The following TAX1BP1 variants were observed in gnomAD, a reference collection of about 807,000 sequenced individuals.
The protein encoded by TAX1BP1 is Tax1 binding protein 1.
Under a neutral mutation model 97.7 loss-of-function variants are expected in TAX1BP1, and 62 were observed. The observed-to-expected ratio is 0.63, with a 90% CI of 0.52 to 0.78. The LOEUF (loss-of-function observed/expected upper bound fraction) is 0.78. TAX1BP1 is among the 30% of genes least tolerant of loss of function. The probability of loss-of-function intolerance (pLI) is 0.00; values close to 1 mark genes in which losing one functional copy is unlikely to be tolerated. For missense variants in TAX1BP1, 867 were observed against 916.1 expected (o/e 0.95, Z 0.69); for synonymous variants, 340 against 304.2 (o/e 1.12, Z -1.23).
chr7:27,820,539 C>G (rs1176082986), intron 15 of TAX1BP1, among the ~76,000 whole-genome samples: 1 of 152,040 alleles, frequency 6.6e-6, no homozygotes, highest in African/African-American at 2.4e-5. Context: ...AATGTGTTTT[C>G]TGTTCACAAA....
intron 13 of TAX1BP1, chr7:27,803,120 A>G: frequency 6.5e-7 from 1 of 1,547,044 alleles, no homozygotes; most frequent in Non-Finnish European, 8.7e-7. Context: ...TTCAATTGGC[A>G]GAGAAAGACA....
chr7:27,795,198 G>A lies in TAX1BP1; in HGVS notation c.1534+752G>A, dbSNP rs560933001. ...CTATTAAATATTAGGTTTATCCCCT[G>A]TAGGACAGAATTGAGCCTTCTGTTT... On this transcript the variant is annotated intron_variant, in intron 11 of 16. Transcript: ENST00000396319. Among the ~76,000 whole-genome samples the A allele has an allele frequency of 4.6e-5, 7 of 152,310 alleles. 1 individual carries two copies. In the South Asian group the frequency reaches 1.5e-3, roughly 32 times the overall value.
At chr7:27,772,183 T>G (rs952602899) in intron 5 of TAX1BP1, 2 of 151,976 alleles carry the variant, frequency 1.3e-5, no homozygotes, top group Admixed American at 6.6e-5. Flanking sequence ...TGCTTCATAT[T>G]CCAAAATTAG....
At chr7:27,789,542 T>G (rs1789621175) in intron 8 of TAX1BP1, among the ~76,000 whole-genome samples, 1 of 151,994 alleles carries the variant, frequency 6.6e-6, no homozygotes, top group Non-Finnish European at 1.5e-5. Flanking sequence ...ATCCTCTTCG[T>G]TCTTAAAAAA....
At chr7:27,771,058 C>CA (rs1377832758) in intron 5 of TAX1BP1, among the ~76,000 whole-genome samples, 1 of 134,514 alleles carries the variant, frequency 7.4e-6, no homozygotes, top group Non-Finnish European at 1.6e-5. Flanking sequence ...AGTAAAATCT[C>CA]ATAATATGTG....
chr7:27,752,882 CTGGT>C (rs906376544), intron 2 of TAX1BP1, among the ~76,000 whole-genome samples: 13 of 152,174 alleles, frequency 8.5e-5, no homozygotes, highest in Non-Finnish European at 1.6e-4. Flanking sequence ...TAATTATTCT[CTGGT>C]TGTTTGGTTA....
chr7:27,773,873 T>C (rs1044753751), intron 5 of TAX1BP1, among the ~76,000 whole-genome samples: 2 of 152,084 alleles, frequency 1.3e-5, no homozygotes, highest in Non-Finnish European at 2.9e-5. Flanking sequence ...CTCTGTTAAG[T>C]TTTTCAGTTA....
chr7:27,748,128 C>G (rs1238736613), intron 1 of TAX1BP1, among the ~76,000 whole-genome samples: 1 of 152,036 alleles, frequency 6.6e-6, no homozygotes, highest in Non-Finnish European at 1.5e-5. Context: ...TTTAACTGTT[C>G]TTGTTTCTGT....
intron 4 of TAX1BP1, among the ~76,000 whole-genome samples, chr7:27,766,520 T>TA (rs990544375): frequency 2.7e-5 from 4 of 148,942 alleles, no homozygotes; most frequent in African/African-American, 7.4e-5. Flanking sequence ...TTGAAATGCT[T>TA]AAAAAAATCT....
chr7:27,765,731 A>G, intron 3 of TAX1BP1, 103 bp from the exon 4 acceptor site: 1 of 1,005,006 alleles, frequency 1.0e-6, no homozygotes, highest in Non-Finnish European at 1.5e-6. Context: ...GATTCTTGTC[A>G]AGAACAGTGT....
chr7:27,778,523 A>T (rs1428553362), intron 5 of TAX1BP1, among the ~76,000 whole-genome samples: 1 of 152,212 alleles, frequency 6.6e-6, no homozygotes, highest in Admixed American at 6.5e-5. Flanking sequence ...GAAAGCAAGC[A>T]TCCAAAAGCC....
intron 3 of TAX1BP1, among the ~76,000 whole-genome samples, chr7:27,763,767 C>CAAAAAAAAAAAAA (rs575118347): frequency 8.4e-6 from 1 of 118,780 alleles, no homozygotes; most frequent in Non-Finnish European, 1.8e-5. Context: ...GACTCTGTCT[C>CAAAAAAAAAAAAA]AAAAAAAAAA....
intron 5 of TAX1BP1, among the ~76,000 whole-genome samples, chr7:27,779,252 G>A (rs1789153656): frequency 2.6e-5 from 4 of 152,126 alleles, no homozygotes; most frequent in Admixed American, 2.6e-4. Context: ...AGCCTCTCAA[G>A]TAACTGGGAC....
At chr7:27,827,899 G>GAAA (rs1791248214) in intron 16 of TAX1BP1, 79 bp downstream of exon 16, 9 of 1,282,962 alleles carry the variant, frequency 7.0e-6, no homozygotes, top group Non-Finnish European at 8.9e-6. Context: ...GAACTCATTA[G>GAAA]AAATGCACAT....
In TAX1BP1 at chr7:27,829,734, TAAAG is replaced by T. The variant is rs369185424; in HGVS notation, c.*911_*914del. Reference sequence around the variant, plus strand: ...TGCTGTATAGAACTGTCACTAACATTAAAGAAAGAGGACACATTTTTCAAGATCT... The same window carrying T: ...TGCTGTATAGAACTGTCACTAACATTAAAGAGGACACATTTTTCAAGATCT... On this transcript the variant is annotated 3_prime_UTR_variant, in exon 17 of 17. Coordinates refer to ENST00000396319, the MANE Select transcript of TAX1BP1 (RefSeq NM_006024.7). 7.9e-5 allele frequency: 12 copies of T among 152,230 alleles called. No individual in the cohort carries two copies. The highest frequency in any genetic ancestry group is 1.3e-4 in the Admixed American group (2 of 15,288). 9.4% of individuals were successfully genotyped at this position (152,230 alleles called of 1,614,324 possible). A position where few individuals can be genotyped will look rare whatever the true frequency, so the allele number is the denominator to read the frequency against.
chr7:27,777,008 CTTTCATGTT>C (rs1789058388), intron 5 of TAX1BP1, among the ~76,000 whole-genome samples: 1 of 151,812 alleles, frequency 6.6e-6, no homozygotes, highest in Non-Finnish European at 1.5e-5. Context: ...TTTTTCATGT[CTTTCATGTT>C]TCTATGTGTT....
At chr7:27,749,466 T>C (rs2128307480) in intron 2 of TAX1BP1, among the ~76,000 whole-genome samples, 1 of 152,350 alleles carries the variant, frequency 6.6e-6, no homozygotes, top group Non-Finnish European at 1.5e-5. Context: ...AAGATTTTTA[T>C]GGGCTTGAAA....
intron 2 of TAX1BP1, among the ~76,000 whole-genome samples, chr7:27,751,495 A>G (rs557192356): frequency 6.6e-6 from 1 of 152,306 alleles, no homozygotes; most frequent in African/African-American, 2.4e-5. Flanking sequence ...GTTTCTTACT[A>G]TTGGAATTTA....
intron 13 of TAX1BP1, among the ~76,000 whole-genome samples, chr7:27,804,898 A>C (rs1001335179): frequency 6.6e-6 from 1 of 152,230 alleles, no homozygotes; most frequent in African/African-American, 2.4e-5. Context: ...TTCATTATAC[A>C]TACCATAATT....
Sources: gnomAD v4.1 joint callset for allele counts (sites outside exome capture counted in the v4.1 genomes callset) on GRCh38, gnomAD v4.1.1 for gene constraint, MANE v1.5 for transcripts, NCBI Gene and HGNC (gene_info 2026-07-23, HGNC 2026-07-21) for gene names.